LRRC20: variants seen among roughly 807,000 people sequenced by gnomAD.
The protein encoded by LRRC20 is leucine rich repeat containing 20, also known as leucine-rich repeat-containing protein 20.
A neutral mutation model predicts 14.4 loss-of-function variants in LRRC20; 11 were observed. The observed-to-expected ratio is 0.77, with a 90% CI of 0.48 to 1.27. The LOEUF (loss-of-function observed/expected upper bound fraction) is 1.27. LRRC20 is among the 50% of genes most tolerant of loss of function. The pLI is 0.00. For missense variants in LRRC20, 219 were observed against 251.2 expected (o/e 0.87, Z 0.87); for synonymous variants, 121 against 107.3 (o/e 1.13, Z -0.79).
chr10:70,339,223 T>G (rs759557982), intron 3 of LRRC20, among the ~76,000 whole-genome samples: 13 of 152,254 alleles, frequency 8.5e-5, no homozygotes, highest in Non-Finnish European at 1.5e-4. Context: ...GAGTCTTTGA[T>G]GATTCCAAAG....
chr10:70,378,471 C>A (rs1193272070), intron 1 of LRRC20, among the ~76,000 whole-genome samples: 1 of 144,706 alleles, frequency 6.9e-6, no homozygotes, highest in African/African-American at 2.7e-5. Flanking sequence ...GGTAAAACTC[C>A]GTCTCTACTA....
At chr10:70,336,611 C>T (rs1842732921) in intron 3 of LRRC20, among the ~76,000 whole-genome samples, 2 of 152,194 alleles carry the variant, frequency 1.3e-5, no homozygotes, top group South Asian at 4.1e-4. Context: ...TGCTCCGCCT[C>T]TAGTTAGAAC....
chr10:70,333,081 G>T (rs536265776), intron 3 of LRRC20, among the ~76,000 whole-genome samples: 1 of 152,358 alleles, frequency 6.6e-6, no homozygotes, highest in Middle Eastern at 3.4e-3. Context: ...CATCTGAATC[G>T]CAGAGCTGGG....
chr10:70,319,173 GAAA>G (rs11439728), intron 4 of LRRC20, among the ~76,000 whole-genome samples: 1 of 125,294 alleles, frequency 8.0e-6, no homozygotes. Context: ...GGTGTATAGG[GAAA>G]AAAAAAAAAA....
At chr10:70,363,048 A>G (rs528002855) in intron 2 of LRRC20, among the ~76,000 whole-genome samples, 1 of 151,834 alleles carries the variant, frequency 6.6e-6, no homozygotes, top group African/African-American at 2.4e-5. Flanking sequence ...AGATGGGAGG[A>G]TCACTTGAGC....
rs765538838 is a variant in LRRC20, at chr10:70,324,048, GGA to G, written c.233-20_233-19del. ...GTGGAGCTCTGCCACGTGCAGGGAA[GGA>G]GAGAGAACAGGATGAGGAGGGGGCC... is the stretch of plus-strand genomic sequence containing the variant. On this transcript the variant is annotated intron_variant, in intron 3 of 4. Transcript: ENST00000446961. 10 of 1,612,774 alleles carry G rather than the reference GGA, an allele frequency of 6.2e-6. No homozygotes were observed. Among genetic ancestry groups the G allele is most frequent in the Non-Finnish European group, 7.6e-6 (9 of 1,179,642 alleles).
Position 70,301,361 on chromosome 10 carries a change from A to AG in LRRC20, c.547dup (p.Leu183ProfsTer59), listed in dbSNP as rs768741708. 8.1e-6 allele frequency: 13 copies of AG among 1,612,176 alleles called. No homozygotes were observed. Among genetic ancestry groups the AG allele is most frequent in the African/African-American group, 4.0e-5 (3 of 74,904 alleles). On this transcript the variant is annotated frameshift_variant, in exon 5 of 5. Transcript: ENST00000446961. LOFTEE classifies it high-confidence loss of function. ...GGGCATGAGGAGGGTGGCCTAAGGTAGGGGGGCTCTTGCGCCTTCCGGAGA... is the reference window on the plus strand; with the variant it reads ...GGGCATGAGGAGGGTGGCCTAAGGTAGGGGGGGCTCTTGCGCCTTCCGGAGA...
rs1450835707 is a variant in LRRC20 at position 70,301,326 on chromosome 10, C to T, written c.*28G>A. 3.4e-5 allele frequency: 55 copies of T among 1,603,924 alleles called. No homozygotes were observed. The highest frequency in any genetic ancestry group is 4.6e-5 in the Non-Finnish European group (54 of 1,176,276). The stretch of plus-strand genomic sequence containing the variant: ...GGTTCCAGGCCTGTGGCCTCTGCCC[C>T]TTGCTGGGTGGGCATGAGGAGGGTG... On this transcript the variant is annotated 3_prime_UTR_variant, in exon 5 of 5. Coordinates refer to ENST00000446961, the MANE Select transcript of LRRC20 (RefSeq NM_001278212.2).
At chr10:70,327,095 C>A (rs1842356472) in intron 3 of LRRC20, among the ~76,000 whole-genome samples, 1 of 152,222 alleles carries the variant, frequency 6.6e-6, no homozygotes, top group Non-Finnish European at 1.5e-5. Context: ...TGGGAGCTTG[C>A]CCCTGTCTGC....
At chr10:70,380,941 G>T (rs1844679714) in intron 1 of LRRC20, among the ~76,000 whole-genome samples, 1 of 152,230 alleles carries the variant, frequency 6.6e-6, no homozygotes, top group Non-Finnish European at 1.5e-5. Context: ...GGGCATGAAG[G>T]CACATGGCAT....
Position 70,323,966 on chromosome 10 carries a change from GA to G in LRRC20, c.296del (p.Leu99ProfsTer35). The G allele has an allele frequency of 6.2e-7, 1 of 1,613,768 alleles. No homozygotes were observed. Among genetic ancestry groups the G allele is most frequent in the East Asian group, 2.2e-5 (1 of 44,880 alleles). Reference protein sequence around the residue: ...LPSEVSALQHLKAIDLSRNQF... With the variant: ...LPSEVSALQHXKAIDLSRNQF... ...GGTTCCGGGACAGGTCAATGGCCTT[GA>G]GGTGCTGCAGGGCACTGACCTCGCT... On this transcript the variant is annotated frameshift_variant, in exon 4 of 5. Transcript: ENST00000446961. LOFTEE classifies it high-confidence loss of function.
At chr10:70,318,331 C>G (rs1475703072) in intron 4 of LRRC20, among the ~76,000 whole-genome samples, 2 of 152,186 alleles carry the variant, frequency 1.3e-5, no homozygotes, top group African/African-American at 4.8e-5. Flanking sequence ...TCTAGCGATG[C>G]TGCTGCTGCT....
intron 1 of LRRC20, chr10:70,381,997 G>C: frequency 6.6e-6 from 1 of 152,200 alleles, no homozygotes; most frequent in Non-Finnish European, 1.5e-5. Flanking sequence ...GCAGCCAATG[G>C]CACCTCGTCC....
chr10:70,339,262 G>A (rs1224076743), intron 3 of LRRC20, among the ~76,000 whole-genome samples: 1 of 152,208 alleles, frequency 6.6e-6, no homozygotes, highest in Non-Finnish European at 1.5e-5. Flanking sequence ...AAGTCTCAAG[G>A]GCACTGCTAT....
chr10:70,343,683 C>T lies in LRRC20; in HGVS notation c.83-2981G>A, dbSNP rs933061102. Among the ~76,000 whole-genome samples the T allele has an allele frequency of 2.0e-5, 3 of 152,320 alleles. No homozygotes were observed. In the South Asian group the frequency reaches 6.2e-4, roughly 32 times the overall value. ...GGGATTCTAAAAAGAGTAATCGTTC[C>T]AAACAACAAGCCCTCTAGTGCTCTG... On this transcript the variant is annotated intron_variant, in intron 2 of 4. Transcript: ENST00000446961.
chr10:70,325,411 C>G (rs1029706720), intron 3 of LRRC20, among the ~76,000 whole-genome samples: 4 of 152,172 alleles, frequency 2.6e-5, no homozygotes, highest in African/African-American at 9.7e-5. Flanking sequence ...TGATACTGCA[C>G]CCTCCACCTC....
chr10:70,301,544 A>AG (rs1301275401), intron 4 of LRRC20, 36 bp from the exon 5 acceptor site: 2 of 1,602,412 alleles, frequency 1.2e-6, no homozygotes, highest in Admixed American at 3.4e-5. Context: ...AGAGTGGTGG[A>AG]GGCCAACCAG....
chr10:70,355,492 C>T (rs1843485490), intron 2 of LRRC20, among the ~76,000 whole-genome samples: 1 of 152,138 alleles, frequency 6.6e-6, no homozygotes, highest in Admixed American at 6.5e-5. Flanking sequence ...GCACACACAG[C>T]TACTGGGCCC....
intron 2 of LRRC20, among the ~76,000 whole-genome samples, chr10:70,364,097 C>T (rs1448106053): frequency 2.6e-5 from 4 of 152,232 alleles, no homozygotes; most frequent in Non-Finnish European, 5.9e-5. Context: ...AACGCAGTCC[C>T]TCCCCCATGC....
Sources: gnomAD v4.1 joint callset for allele counts (sites outside exome capture counted in the v4.1 genomes callset) on GRCh38, gnomAD v4.1.1 for gene constraint, MANE v1.5 for transcripts, NCBI Gene and HGNC (gene_info 2026-07-23, HGNC 2026-07-21) for gene names.